The following UBE2E3 variants were observed in gnomAD, a reference collection of about 807,000 sequenced individuals.
UBE2E3 encodes ubiquitin conjugating enzyme E2 E3.
A neutral mutation model predicts 23.6 loss-of-function variants in UBE2E3; 5 were observed. The observed-to-expected ratio is 0.21, with a 90% CI of 0.11 to 0.44. The LOEUF is 0.44. Among genes scored for constraint, UBE2E3 ranks in the 20% least tolerant of loss-of-function variants. The probability of loss-of-function intolerance (pLI) is 0.99; values close to 1 mark genes in which losing one functional copy is unlikely to be tolerated. For missense variants in UBE2E3, 81 were observed against 249.8 expected, an observed-to-expected ratio of 0.32 and a Z score of 4.55; for synonymous variants, 78 against 87.5, an observed-to-expected ratio of 0.89 and a Z score of 0.60.
chr2:181,036,465 T>G (rs1686287544), intron 3 of UBE2E3, among the ~76,000 whole-genome samples: 1 of 152,228 alleles, frequency 6.6e-6, no homozygotes. Flanking sequence ...TGTGTGGAGT[T>G]TGCATCTTCT....
At chr2:181,021,620 C>T (rs1685696454) in intron 3 of UBE2E3, among the ~76,000 whole-genome samples, 2 of 67,886 alleles carry the variant, frequency 2.9e-5, no homozygotes, top group Admixed American at 1.7e-4. Context: ...TCCTCCCTCT[C>T]TCCCTCCCTT....
intron 3 of UBE2E3, among the ~76,000 whole-genome samples, chr2:180,989,537 G>C (rs1023829844): frequency 6.6e-6 from 1 of 152,030 alleles, no homozygotes; most frequent in Admixed American, 6.6e-5. Context: ...GCTTATAAGA[G>C]GAAATTGATA....
intron 5 of UBE2E3, among the ~76,000 whole-genome samples, chr2:181,062,154 T>C (rs866732169): frequency 6.6e-6 from 1 of 151,560 alleles, no homozygotes; most frequent in Non-Finnish European, 1.5e-5. Flanking sequence ...TTCTGAGCAG[T>C]TGGAGTCAGG....
intron 3 of UBE2E3, among the ~76,000 whole-genome samples, chr2:181,036,433 C>A (rs1330737666): frequency 6.6e-6 from 1 of 152,162 alleles, no homozygotes; most frequent in Admixed American, 6.5e-5. Flanking sequence ...GAGGAAAAAA[C>A]CTGATTCCTG....
chr2:181,056,616 C>G (rs1225256922), intron 3 of UBE2E3, among the ~76,000 whole-genome samples: 1 of 151,788 alleles, frequency 6.6e-6, no homozygotes, highest in Admixed American at 6.6e-5. Context: ...GAGGGATCTA[C>G]CCCTCTGACC....
chr2:181,032,181 CT>C (rs375573781), intron 3 of UBE2E3, among the ~76,000 whole-genome samples: 6 of 152,082 alleles, frequency 3.9e-5, no homozygotes, highest in African/African-American at 1.4e-4. Flanking sequence ...GCAAAATTAA[CT>C]TTTTTTGTTG....
At chr2:181,061,864 A>G (rs1182985636) in intron 5 of UBE2E3, among the ~76,000 whole-genome samples, 1 of 151,478 alleles carries the variant, frequency 6.6e-6, no homozygotes, top group Non-Finnish European at 1.5e-5. Flanking sequence ...CGGCAGAGAT[A>G]CATATGCAAT....
At chr2:181,004,957 A>G (rs753428362) in intron 3 of UBE2E3, among the ~76,000 whole-genome samples, 1 of 152,234 alleles carries the variant, frequency 6.6e-6, no homozygotes, top group African/African-American at 2.4e-5. Flanking sequence ...CAAAACTTTT[A>G]TTTGCATATA....
chr2:180,983,984 C>T, intron 2 of UBE2E3, 59 bp from the exon 3 acceptor site: 1 of 1,432,274 alleles, frequency 7.0e-7, no homozygotes, highest in Non-Finnish European at 9.7e-7. Context: ...CAGTGTAATT[C>T]CCTGGTTATT....
chr2:181,019,792 C>A (rs756606706), intron 3 of UBE2E3, among the ~76,000 whole-genome samples: 1 of 152,056 alleles, frequency 6.6e-6, no homozygotes, highest in Admixed American at 6.5e-5. Flanking sequence ...AGCTAGTTAA[C>A]GTAGCCTTCA....
intron 3 of UBE2E3, among the ~76,000 whole-genome samples, chr2:181,000,357 G>A (rs928467534): frequency 2.6e-5 from 4 of 152,050 alleles, no homozygotes; most frequent in African/African-American, 9.7e-5. Context: ...TTTTGTAAAG[G>A]GTTAAGCTAT....
rs1315087495 is a variant in UBE2E3 at position 180,980,735 on chromosome 2, C to G, written c.-264C>G. On this transcript the variant is annotated 5_prime_UTR_variant, in exon 1 of 6. Transcript: ENST00000410062. This position sits in a 1 kb window ranked among gnomAD's most constrained non-coding sequence, Gnocchi z 5.5. ...GCGCCCTCGCCCAGCCGAGCTCCCA[C>G]CCCCGCTTTTTTCCGAAGGCGCTGG... is the stretch of plus-strand genomic sequence containing the variant. The G allele has an allele frequency of 1.3e-5, 2 of 148,848 alleles. No individual in the cohort carries two copies. Among genetic ancestry groups the G allele is most frequent in the African/African-American group, 4.9e-5 (2 of 41,018 alleles). 9.2% of individuals were successfully genotyped at this position (148,848 alleles called of 1,614,324 possible).
intron 2 of UBE2E3, among the ~76,000 whole-genome samples, chr2:180,983,825 T>G (rs977412315): frequency 6.6e-6 from 1 of 152,248 alleles, no homozygotes; most frequent in Non-Finnish European, 1.5e-5. Context: ...GTAAATGACT[T>G]ACTTGTTTGC....
At chr2:181,030,233 C>T (rs1330975566) in intron 3 of UBE2E3, among the ~76,000 whole-genome samples, 1 of 151,984 alleles carries the variant, frequency 6.6e-6, no homozygotes, top group Non-Finnish European at 1.5e-5. Flanking sequence ...AATACTTTAT[C>T]TACTAAAGTA....
chr2:181,010,945 A>G (rs947083495), intron 3 of UBE2E3, among the ~76,000 whole-genome samples: 6 of 152,076 alleles, frequency 3.9e-5, no homozygotes, highest in Admixed American at 3.3e-4. Context: ...AGTGTCTTGA[A>G]TTAAAACTTC....
At chr2:181,037,386 A>G (rs539472440) in intron 3 of UBE2E3, among the ~76,000 whole-genome samples, 2 of 152,258 alleles carry the variant, frequency 1.3e-5, no homozygotes, top group South Asian at 4.1e-4. Context: ...TGACAGCTCT[A>G]TGTGTATGTT....
At chr2:181,056,682 CA>C (rs1486683236) in intron 3 of UBE2E3, among the ~76,000 whole-genome samples, 2 of 151,772 alleles carry the variant, frequency 1.3e-5, no homozygotes, top group African/African-American at 4.8e-5. Context: ...TGAGTTTTAG[CA>C]GGGACAGATC....
chr2:180,989,324 C>T (rs1684582708), intron 3 of UBE2E3, among the ~76,000 whole-genome samples: 2 of 152,024 alleles, frequency 1.3e-5, no homozygotes, highest in African/African-American at 4.8e-5. Context: ...GTATCTTTTC[C>T]TTACTTCACA....
chr2:181,014,450 GA>G (rs1421801496), intron 3 of UBE2E3, among the ~76,000 whole-genome samples: 2 of 152,006 alleles, frequency 1.3e-5, no homozygotes, highest in Non-Finnish European at 2.9e-5. Flanking sequence ...GAAAAGAGGG[GA>G]AAAAAGCTTT....
Sources: allele counts gnomAD v4.1 joint callset (sites outside exome capture counted in the v4.1 genomes callset), GRCh38; gene constraint gnomAD v4.1.1; non-coding constraint Gnocchi (gnomAD v3.1); transcripts MANE v1.5; gene names NCBI Gene and HGNC (gene_info 2026-07-23, HGNC 2026-07-21).